SH3PXD2B: variants seen among roughly 807,000 people sequenced by gnomAD.
The protein encoded by SH3PXD2B is SH3 and PX domain-containing protein 2B.
A neutral mutation model predicts 73.1 loss-of-function variants in SH3PXD2B; 37 were observed. The observed-to-expected ratio is 0.51, with a 90% CI of 0.39 to 0.67. SH3PXD2B has a LOEUF of 0.67. Ranked by LOEUF, SH3PXD2B falls within the 30% of genes least tolerant of loss-of-function variation. SH3PXD2B has a pLI of 0.00. For synonymous variants in SH3PXD2B, 457 were observed against 480.5 expected, an observed-to-expected ratio of 0.95 and a Z score of 0.64; for missense variants, 1,053 against 1,197.8, an observed-to-expected ratio of 0.88 and a Z score of 1.78.
intron 6 of SH3PXD2B, among the ~76,000 whole-genome samples, chr5:172,364,356 C>A (rs143464646): frequency 6.6e-6 from 1 of 152,184 alleles, no homozygotes; most frequent in South Asian, 2.1e-4. Flanking sequence ...GGAAACCCCA[C>A]ATTTTTGTGT....
Position 172,334,019 on chromosome 5 carries a change from C to A in SH3PXD2B, c.*4350G>T. ...CTTCTTTTTTACATGAATAGGACAT[C>A]TAAAAGTGAAGGCTACCGACTGTGG... On this transcript the variant is annotated 3_prime_UTR_variant, in exon 13 of 13. Coordinates refer to ENST00000311601, the MANE Select transcript of SH3PXD2B (RefSeq NM_001017995.3). 1 of 1,182,126 alleles carries A rather than the reference C, an allele frequency of 8.5e-7. No homozygotes were observed. 73.2% of individuals were successfully genotyped at this position (1,182,126 alleles called of 1,614,324 possible). A position where few individuals can be genotyped will look rare whatever the true frequency, so the allele number is the denominator to read the frequency against.
chr5:172,368,496 TTATA>T (rs370892557), intron 6 of SH3PXD2B, among the ~76,000 whole-genome samples: 159 of 5,834 alleles, frequency 0.027, 33 homozygotes, highest in Non-Finnish European at 0.039. Flanking sequence ...TATATATATA[TTATA>T]TATATATATA....
At chr5:172,386,955 C>T (rs1465117346) in intron 4 of SH3PXD2B, among the ~76,000 whole-genome samples, 12 of 152,130 alleles carry the variant, frequency 7.9e-5, no homozygotes, top group South Asian at 2.1e-4. Flanking sequence ...AAAGTTTTCT[C>T]GAAGACATAT....
Position 172,351,669 on chromosome 5 carries a change from A to C in SH3PXD2B, c.786-1080T>G, listed in dbSNP as rs960068285. ...GGTTGTTAAACATTTACCAGAACCC[A>C]AAAAAACAGGTGGCCAGACCTTTGG... is the stretch of plus-strand genomic sequence containing the variant. On this transcript the variant is annotated intron_variant, in intron 9 of 12. Transcript: ENST00000311601. Among the ~76,000 whole-genome samples, 5 of 152,186 alleles carry C rather than the reference A, an allele frequency of 3.3e-5. No homozygotes were observed. The East Asian group carries it at 5.8e-4, about 18-fold the overall frequency.
chr5:172,439,290 AACCCC>A (rs1759484344), intron 1 of SH3PXD2B, among the ~76,000 whole-genome samples: 27 of 55,838 alleles, frequency 4.8e-4, no homozygotes, highest in African/African-American at 1.9e-3. Context: ...ACAAAAAAAA[AACCCC>A]AAAAAAAAAC....
At chr5:172,402,632 T>C (rs1198474068) in intron 3 of SH3PXD2B, among the ~76,000 whole-genome samples, 1 of 152,084 alleles carries the variant, frequency 6.6e-6, no homozygotes, top group Non-Finnish European at 1.5e-5. Context: ...TTAGGGAAAA[T>C]AGAAAAGGAC....
chr5:172,379,069 CA>C (rs61301407), intron 5 of SH3PXD2B, among the ~76,000 whole-genome samples: 1,556 of 75,960 alleles, frequency 0.02, 12 homozygotes, highest in African/African-American at 0.065. Context: ...GACTCTGTCT[CA>C]AAAAAAAAAA....
At chr5:172,375,375 C>CA (rs1163088981) in intron 5 of SH3PXD2B, among the ~76,000 whole-genome samples, 3 of 152,120 alleles carry the variant, frequency 2.0e-5, no homozygotes, top group East Asian at 1.9e-4. Flanking sequence ...CAAAACAAAA[C>CA]AAACAAACAA....
At position 172,338,784 on chromosome 5, in the gene SH3PXD2B, G is replaced by T; in HGVS notation, c.2321C>A (p.Pro774Gln). The change falls in exon 13 of 13, where the codon CCG becomes CAG. Residue 774 changes from proline (P) to glutamine (Q), a missense_variant. By Grantham distance (76) the Pro-to-Gln change is moderately conservative. This residue lies in a region of SH3PXD2B where 587 missense variants were observed against 590.7 expected (regional missense o/e 0.99). Transcript: ENST00000311601. The surrounding 1 kb of genome is among the most constrained non-coding windows in gnomAD (Gnocchi z 5.1). Reference sequence around the variant, plus strand: ...CTGTGGACCTCTGACCTCTGGGAGCGGCCTGGATGACGAAGAGGTTTTCTT... The same window carrying T: ...CTGTGGACCTCTGACCTCTGGGAGCTGCCTGGATGACGAAGAGGTTTTCTT... ...PPKKTSSSSR[P>Q]LPEVRGPQCE... The T allele has an allele frequency of 6.2e-7, 1 of 1,614,166 alleles. No individual in the cohort carries two copies. The highest frequency in any genetic ancestry group is 8.5e-7 in the Non-Finnish European group (1 of 1,180,020).
chr5:172,411,001 C>CA (rs1758679002), intron 2 of SH3PXD2B, among the ~76,000 whole-genome samples: 2 of 152,144 alleles, frequency 1.3e-5, no homozygotes, highest in Non-Finnish European at 2.9e-5. Flanking sequence ...TTCAGAGTGT[C>CA]ACGTGAACAC....
intron 6 of SH3PXD2B, among the ~76,000 whole-genome samples, chr5:172,365,797 G>C (rs747632886): frequency 2.6e-5 from 4 of 152,190 alleles, no homozygotes; most frequent in Non-Finnish European, 5.9e-5. Flanking sequence ...GCTGTCCAGT[G>C]AATGAATGAA....
chr5:172,381,921 G>T, intron 5 of SH3PXD2B, 115 bp downstream of exon 5: 1 of 726,614 alleles, frequency 1.4e-6, no homozygotes, highest in Non-Finnish European at 2.4e-6. Context: ...GGTCTCACAG[G>T]GGCTCAGCCG....
chr5:172,370,167 T>A (rs1003488946), intron 6 of SH3PXD2B, among the ~76,000 whole-genome samples: 5 of 152,176 alleles, frequency 3.3e-5, no homozygotes, highest in African/African-American at 1.2e-4. Flanking sequence ...GCTCCAGGCA[T>A]CCTTATAAAT....
At chr5:172,357,840 C>T (rs1361326087) in intron 8 of SH3PXD2B, among the ~76,000 whole-genome samples, 1 of 152,186 alleles carries the variant, frequency 6.6e-6, no homozygotes, top group East Asian at 1.9e-4. Flanking sequence ...AGAAATTTCC[C>T]CCTTCTCCTC....
Position 172,334,191 on chromosome 5 carries a change from C to T in SH3PXD2B, c.*4178G>A, listed in dbSNP as rs1053486395. ...GGAGCTCGATAACTTGGCAGAATAG[C>T]ACCAGAAACCAGATGCCACCCCACG... On this transcript the variant is annotated 3_prime_UTR_variant, in exon 13 of 13. Coordinates refer to ENST00000311601, the MANE Select transcript of SH3PXD2B (RefSeq NM_001017995.3). The T allele has an allele frequency of 7.3e-6, 8 of 1,100,410 alleles. No individual in the cohort carries two copies. The highest frequency in any genetic ancestry group is 1.7e-5 in the African/African-American group (1 of 58,188). 68.2% of individuals were successfully genotyped at this position (1,100,410 alleles called of 1,614,324 possible). A position where few individuals can be genotyped will look rare whatever the true frequency, so the allele number is the denominator to read the frequency against.
intron 1 of SH3PXD2B, among the ~76,000 whole-genome samples, chr5:172,441,077 T>C (rs1172290232): frequency 1.3e-5 from 2 of 152,182 alleles, no homozygotes; most frequent in Non-Finnish European, 2.9e-5. Flanking sequence ...ATAGGTTAAA[T>C]ATTGACAATT....
Position 172,396,775 on chromosome 5 carries a change from C to T in SH3PXD2B, c.233-2136G>A, listed in dbSNP as rs531951444. Among the ~76,000 whole-genome samples the T allele has an allele frequency of 7.2e-5, 11 of 152,044 alleles. No individual in the cohort carries two copies. In the South Asian group the frequency reaches 1.5e-3, roughly 20 times the overall value. On this transcript the variant is annotated intron_variant, in intron 3 of 12. Coordinates refer to ENST00000311601, the MANE Select transcript of SH3PXD2B (RefSeq NM_001017995.3). Reference sequence around the variant, plus strand: ...TAGCCTGGCCAACGTGGTAAAACCCCGTCTCTACTAAAAATACAAAAATTA... The same window carrying T: ...TAGCCTGGCCAACGTGGTAAAACCCTGTCTCTACTAAAAATACAAAAATTA...
chr5:172,449,861 C>T (rs183988911), intron 1 of SH3PXD2B, among the ~76,000 whole-genome samples: 136 of 152,242 alleles, frequency 8.9e-4, no homozygotes, highest in African/African-American at 2.6e-3. Context: ...TAACAGTTCC[C>T]GGCACGAGCT....
At position 172,338,893 on chromosome 5, in the gene SH3PXD2B, G is replaced by C. The variant is rs761301784; in HGVS notation, c.2212C>G (p.Pro738Ala). The C allele has an allele frequency of 6.2e-7, 1 of 1,613,932 alleles. No individual in the cohort carries two copies. The highest frequency in any genetic ancestry group is 8.5e-7 in the Non-Finnish European group (1 of 1,179,806). The change falls in exon 13 of 13, where the codon CCT becomes GCT. Residue 738 changes from proline (P) to alanine (A), a missense_variant. Physicochemically the swap from Pro to Ala is conservative, Grantham distance 27. Around this residue, in one of 2 missense-constraint regions of SH3PXD2B, gnomAD observed 587 missense variants for 590.7 expected, o/e 0.99. Coordinates refer to ENST00000311601, the MANE Select transcript of SH3PXD2B (RefSeq NM_001017995.3). The surrounding 1 kb of genome is among the most constrained non-coding windows in gnomAD (Gnocchi z 5.1). ...APPRPAKTTDPVSKSVPVPLQ... is the reference protein window; with the variant it reads ...APPRPAKTTDAVSKSVPVPLQ... ...GGAACAGGCACGCTCTTAGACACAG[G>C]ATCTGTGGTCTTGGCTGGCCTCGGA...
Sources: allele counts gnomAD v4.1 joint callset (sites outside exome capture counted in the v4.1 genomes callset), GRCh38; gene constraint gnomAD v4.1.1; regional missense constraint gnomAD v4.1.1; non-coding constraint Gnocchi (gnomAD v3.1); transcripts MANE v1.5; gene names NCBI Gene and HGNC (gene_info 2026-07-23, HGNC 2026-07-21).